Variants in BRSK1 observed in about 807,000 individuals in gnomAD.
BRSK1 encodes the protein BR serine/threonine kinase 1.
BRSK1 carries 17 observed loss-of-function variants against 86.2 expected under a neutral mutation model. The ratio of observed to expected loss-of-function variants is 0.20; its 90% CI spans 0.14 to 0.30. The LOEUF is 0.30. BRSK1 is among the 10% of genes least tolerant of loss of function. The pLI is 1.00. For synonymous variants in BRSK1, 464 were observed against 440.1 expected (o/e 1.05, Z -0.68); for missense variants, 719 against 1,071.9 (o/e 0.67, Z 4.60).
intron 1 of BRSK1, among the ~76,000 whole-genome samples, chr19:55,286,437 A>G (rs573973294): frequency 1.3e-5 from 2 of 149,896 alleles, no homozygotes; most frequent in South Asian, 4.3e-4. Context: ...GAGAAGACCC[A>G]GGAAGGCAGT....
intron 17 of BRSK1, among the ~76,000 whole-genome samples, chr19:55,307,919 A>T (rs1023228599): frequency 4.6e-5 from 7 of 151,516 alleles, no homozygotes; most frequent in African/African-American, 1.7e-4. Flanking sequence ...GCGCCACTGC[A>T]CTCCAGCCTG....
chr19:55,286,653 TG>T (rs572225801), intron 1 of BRSK1, among the ~76,000 whole-genome samples: 1 of 42,186 alleles, frequency 2.4e-5, no homozygotes, highest in Non-Finnish European at 5.0e-5. Context: ...ACAGAGAAAG[TG>T]GGGGGGCGGG....
chr19:55,308,535 G>C (rs901618948), intron 17 of BRSK1, 104 bp from the exon 18 acceptor site: 4 of 786,882 alleles, frequency 5.1e-6, no homozygotes, highest in Non-Finnish European at 9.0e-6. Flanking sequence ...GAGATGCAGG[G>C]GGGGTGTTGT....
rs1453299590 is a variant in BRSK1 at position 55,304,774 on chromosome 19, C to T, written c.1571C>T (p.Pro524Leu). The T allele has an allele frequency of 2.6e-6, 4 of 1,552,346 alleles. No individual in the cohort carries two copies. Among genetic ancestry groups the T allele is most frequent in the Non-Finnish European group, 3.5e-6 (4 of 1,153,372 alleles). ...CCCTTGCACTCGCCTCTGCACACGC[C>T]CCGGGCCAGTCCCACCGGGACCCCG... is the stretch of plus-strand genomic sequence containing the variant. ...GTPLHSPLHT[P>L]RASPTGTPGT... The change falls in exon 14 of 19, where the codon CCC becomes CTC. Residue 524 changes from proline to leucine, a missense_variant. Physicochemically the swap from Pro to Leu is moderately conservative, Grantham distance 98. This residue lies in a region of BRSK1 where 143 missense variants were observed against 120.1 expected (regional missense o/e 1.19). Coordinates refer to ENST00000309383, the MANE Select transcript of BRSK1 (RefSeq NM_032430.2). The surrounding 1 kb of genome is among the most constrained non-coding windows in gnomAD (Gnocchi z 5.2).
At chr19:55,295,926 G>A (rs1195094664) in intron 7 of BRSK1, among the ~76,000 whole-genome samples, 2 of 152,106 alleles carry the variant, frequency 1.3e-5, no homozygotes, top group Admixed American at 6.6e-5. Context: ...TTGAGATCGC[G>A]TCACTGCACT....
In BRSK1 at chr19:55,305,497, T is replaced by A. The variant is rs777577351; in HGVS notation, c.1801T>A (p.Ser601Thr). The change falls in exon 16 of 19, where the codon TCC becomes ACC. Residue 601 changes from serine to threonine, a missense_variant. This residue lies in a region of BRSK1 where 180 missense variants were observed against 259.4 expected (regional missense o/e 0.69). Transcript: ENST00000309383. ...ACGCTCCTGGTTCGGGAACTTCATC[T>A]CCTTGGACAAAGAAGAACAAATATT... ...AKRSWFGNFISLDKEEQIFLV... is the reference protein window; with the variant it reads ...AKRSWFGNFITLDKEEQIFLV... 1.2e-6 allele frequency: 2 copies of A among 1,614,106 alleles called. No individual in the cohort carries two copies. The highest frequency in any genetic ancestry group is 8.5e-7 in the Non-Finnish European group (1 of 1,180,008).
At chr19:55,285,552 G>A (rs1441050811) in intron 1 of BRSK1, among the ~76,000 whole-genome samples, 2 of 152,170 alleles carry the variant, frequency 1.3e-5, no homozygotes, top group Non-Finnish European at 2.9e-5. Flanking sequence ...GACAGGGGCC[G>A]TGGGGCCTAA....
intron 3 of BRSK1, among the ~76,000 whole-genome samples, chr19:55,288,249 G>C (rs1040658207): frequency 6.6e-6 from 1 of 152,106 alleles, no homozygotes; most frequent in Non-Finnish European, 1.5e-5. Context: ...GGGAGGCCAA[G>C]ATGGGCGGAT....
At chr19:55,284,688 C>A (rs2088281951) in intron 1 of BRSK1, 110 bp downstream of exon 1, 3 of 991,658 alleles carry the variant, frequency 3.0e-6, no homozygotes, top group Non-Finnish European at 4.0e-6. Flanking sequence ...GACCCCTGGG[C>A]CCCTCATAGA....
Position 55,294,896 on chromosome 19 carries a change from G to T in BRSK1, c.678+499G>T, listed in dbSNP as rs2088463259. Among the ~76,000 whole-genome samples, 1 of 151,936 alleles carries T rather than the reference G, an allele frequency of 6.6e-6. No individual in the cohort carries two copies. Among genetic ancestry groups the T allele is most frequent in the Non-Finnish European group, 1.5e-5 (1 of 68,000 alleles). Reference sequence around the variant, plus strand: ...GGCTCACTGCAACCTACGCCGCCCGGGTTCAAGCTATTCTCCTGCCTCAGC... The same window carrying T: ...GGCTCACTGCAACCTACGCCGCCCGTGTTCAAGCTATTCTCCTGCCTCAGC... On this transcript the variant is annotated intron_variant, in intron 7 of 18. Coordinates refer to ENST00000309383, the MANE Select transcript of BRSK1 (RefSeq NM_032430.2). The surrounding 1 kb of genome is among the most constrained non-coding windows in gnomAD (Gnocchi z 4.9).
chr19:55,286,942 G>T lies in BRSK1; in HGVS notation c.137-65G>T, dbSNP rs988384507. On this transcript the variant is annotated intron_variant, in intron 1 of 18. Transcript: ENST00000309383. Reference sequence around the variant, plus strand: ...GGAGCAAACAGGGTGGCCAAGGGGGGACATAGGCGCTGGGGACGAAGGGGA... The same window carrying T: ...GGAGCAAACAGGGTGGCCAAGGGGGTACATAGGCGCTGGGGACGAAGGGGA... 6 of 1,492,646 alleles carry T rather than the reference G, an allele frequency of 4.0e-6. No individual in the cohort carries two copies. The South Asian group carries it at 4.5e-5, about 11-fold the overall frequency. The allele number at this position is 1,492,646 out of a possible 1,614,324, so 92.5% of individuals were successfully genotyped here. A position where few individuals can be genotyped will look rare whatever the true frequency, so the allele number is the denominator to read the frequency against.
At chr19:55,284,722 C>T (rs1344242709) in intron 1 of BRSK1, 144 bp downstream of exon 1, 1 of 621,124 alleles carries the variant, frequency 1.6e-6, no homozygotes, top group African/African-American at 1.9e-5. Flanking sequence ...ATTCAGACTC[C>T]TGGGTCCCTG....
rs541297079 is a variant in BRSK1 at position 55,289,733 on chromosome 19, C to G, written c.458+113C>G. ...ATGTGGTCGGCCCCCAAACCTTTAT[C>G]CCATTGAGACATAACTCATACACCA... On this transcript the variant is annotated intron_variant, in intron 4 of 18. Transcript: ENST00000309383. 73 of 1,343,276 alleles carry G rather than the reference C, an allele frequency of 5.4e-5. No homozygotes were observed. In the East Asian group the frequency reaches 1.7e-3, roughly 31 times the overall value. The allele number at this position is 1,343,276 out of a possible 1,614,324, so 83.2% of individuals were successfully genotyped here. A position where few individuals can be genotyped will look rare whatever the true frequency, so the allele number is the denominator to read the frequency against.
chr19:55,284,383 C>A lies in BRSK1; in HGVS notation c.-60C>A. ...CGGTCGCCGGCCCCCACCGGAGAGACGGGGCGACGGCCGCAGGGGGGGCGG... is the reference window on the plus strand; with the variant it reads ...CGGTCGCCGGCCCCCACCGGAGAGAAGGGGCGACGGCCGCAGGGGGGGCGG... On this transcript the variant is annotated 5_prime_UTR_variant, in exon 1 of 19. Coordinates refer to ENST00000309383, the MANE Select transcript of BRSK1 (RefSeq NM_032430.2). 2 of 864,684 alleles carry A rather than the reference C, an allele frequency of 2.3e-6. No homozygotes were observed. The highest frequency in any genetic ancestry group is 1.4e-6 in the Non-Finnish European group (1 of 713,884). The allele number at this position is 864,684 out of a possible 1,614,324, so 53.6% of individuals were successfully genotyped here.
intron 7 of BRSK1, among the ~76,000 whole-genome samples, chr19:55,298,987 A>G (rs1418123917): frequency 2.0e-5 from 3 of 152,112 alleles, no homozygotes; most frequent in African/African-American, 7.2e-5. Flanking sequence ...TAATCCCAGC[A>G]CTTTAGGAGG....
intron 18 of BRSK1, among the ~76,000 whole-genome samples, chr19:55,309,977 G>A (rs530612636): frequency 2.0e-4 from 31 of 152,170 alleles, no homozygotes; most frequent in Non-Finnish European, 2.4e-4. Context: ...CCTGGACCCC[G>A]TTGAAAGGAA....
chr19:55,291,228 A>G (rs1465713388), intron 4 of BRSK1, among the ~76,000 whole-genome samples: 6 of 151,732 alleles, frequency 4.0e-5, no homozygotes, highest in Admixed American at 3.9e-4. Flanking sequence ...CGCCTGGCCT[A>G]TGTGTCCACT....
Position 55,306,763 on chromosome 19 carries a change from A to G in BRSK1, c.2089+313A>G, listed in dbSNP as rs2088656327. 6.6e-6 allele frequency among the ~76,000 whole-genome samples: 1 copy of G among 152,138 alleles called. No homozygotes were observed. Among genetic ancestry groups the G allele is most frequent in the Admixed American group, 6.5e-5 (1 of 15,274 alleles). ...GAGAAAACTGAGTCATAGGGAGGTC[A>G]ATGGACTTGGCCAGAGTCACACAAT... On this transcript the variant is annotated intron_variant, in intron 17 of 18. Coordinates refer to ENST00000309383, the MANE Select transcript of BRSK1 (RefSeq NM_032430.2). This position sits in a 1 kb window ranked among gnomAD's most constrained non-coding sequence, Gnocchi z 4.7.
intron 14 of BRSK1, 117 bp downstream of exon 14, chr19:55,305,037 C>A: frequency 6.9e-7 from 1 of 1,457,820 alleles, no homozygotes; most frequent in East Asian, 2.3e-5. Flanking sequence ...CCTGGATTCC[C>A]ACGTTCTAGA....
Sources: allele counts gnomAD v4.1 joint callset (sites outside exome capture counted in the v4.1 genomes callset), GRCh38; gene constraint gnomAD v4.1.1; regional missense constraint gnomAD v4.1.1; non-coding constraint Gnocchi (gnomAD v3.1); transcripts MANE v1.5; gene names NCBI Gene and HGNC (gene_info 2026-07-23, HGNC 2026-07-21).